Variants in STX4 observed in about 807,000 individuals in gnomAD.
STX4 encodes the protein syntaxin 4.
In STX4, 24 loss-of-function variants were observed where a neutral mutation model predicts 41.8. That is an observed-to-expected ratio of 0.57 (90% CI 0.42 to 0.81). STX4 has a LOEUF of 0.81. Among genes scored for constraint, STX4 ranks in the 30% least tolerant of loss-of-function variants. STX4 has a pLI of 0.00. For missense variants in STX4, 316 were observed against 389.9 expected, an observed-to-expected ratio of 0.81 and a Z score of 1.60; for synonymous variants, 158 against 156.4, an observed-to-expected ratio of 1.01 and a Z score of -0.08.
In STX4 at chr16:31,039,362, T is replaced by C; in HGVS notation, c.703-179T>C. 1.7e-6 allele frequency: 1 copy of C among 604,662 alleles called. No individual in the cohort carries two copies. Among genetic ancestry groups the C allele is most frequent in the South Asian group, 2.0e-5 (1 of 51,116 alleles). 37.5% of individuals were successfully genotyped at this position (604,662 alleles called of 1,614,324 possible). On this transcript the variant is annotated intron_variant, in intron 8 of 10. Coordinates refer to ENST00000313843, the MANE Select transcript of STX4 (RefSeq NM_004604.5). This position sits in a 1 kb window ranked among gnomAD's most constrained non-coding sequence, Gnocchi z 4.1. ...GATAAGTGAGCAGGGGACAAGGGAC[T>C]ACATGATAGAAGGGGCCTGGAAGCC... is the stretch of plus-strand genomic sequence containing the variant.
chr16:31,033,362 A>G (rs58726213), upstream of STX4: 344,619 of 867,172 alleles, frequency 0.4, 75,163 homozygotes, highest in South Asian at 0.68. The surrounding 1 kb of genome is among the most constrained non-coding windows in gnomAD (Gnocchi z 5.5). Flanking sequence ...CGTACAAATG[A>G]CGTATTCCTA....
At chr16:31,037,850 G>A (rs993002894) in intron 5 of STX4, 76 bp from the exon 6 acceptor site, 1 of 1,465,058 alleles carries the variant, frequency 6.8e-7, no homozygotes, top group African/African-American at 1.4e-5. Flanking sequence ...TTTGCTCACT[G>A]TACTATGGGG....
Position 31,037,928 on chromosome 16 carries a change from T to C in STX4, c.381T>C (p.His127=), listed in dbSNP as rs777815228. ...CAGCCTATATTCTTCATCTTTAGCA[T>C]GGGGTCCTGTCCCAGCAATTCGTGG... ...SVNTRMRKTQ[H]GVLSQQFVEL... Residue 127 remains histidine, a splice_region_variant and synonymous_variant, in exon 6 of 11, where the codon CAT becomes CAC. Coordinates refer to ENST00000313843, the MANE Select transcript of STX4 (RefSeq NM_004604.5). 3.7e-5 allele frequency: 60 copies of C among 1,613,898 alleles called. No homozygotes were observed. The highest frequency in any genetic ancestry group is 4.8e-5 in the Non-Finnish European group (57 of 1,179,964).
chr16:31,038,301 A>G (rs2056818658), intron 7 of STX4, 111 bp downstream of exon 7: 3 of 1,437,802 alleles, frequency 2.1e-6, no homozygotes, highest in Admixed American at 1.9e-5. Flanking sequence ...CCTCCCGAGT[A>G]GCTGGGACTA....
chr16:31,036,968 C>G (rs891546360), intron 5 of STX4, among the ~76,000 whole-genome samples: 6 of 151,592 alleles, frequency 4.0e-5, no homozygotes, highest in Non-Finnish European at 5.9e-5. Flanking sequence ...CCGTGGCTCA[C>G]GCCTGTAATC....
rs1396286724 is a variant in STX4 at position 31,038,118 on chromosome 16, T to C, written c.492T>C (p.Asn164=). The change falls in exon 7 of 11, where the codon AAT becomes AAC. Residue 164 remains asparagine (N), a synonymous_variant. Coordinates refer to ENST00000313843, the MANE Select transcript of STX4 (RefSeq NM_004604.5). The part of the protein sequence containing the change: ...ERIRRQLKIT[N]AGMVSDEELE... Reference sequence around the variant, plus strand: ...GCCTGGCCTTTTCCTTCACAGCCAATGCTGGGATGGTGTCTGATGAGGAGT... The same window carrying C: ...GCCTGGCCTTTTCCTTCACAGCCAACGCTGGGATGGTGTCTGATGAGGAGT... 1.9e-6 allele frequency: 3 copies of C among 1,614,038 alleles called. No homozygotes were observed. The South Asian group carries it at 3.3e-5, about 18-fold the overall frequency.
rs1488866019 is a variant in STX4, at chr16:31,039,613, G to A, written c.775G>A (p.Val259Ile). The A allele has an allele frequency of 9.9e-6, 16 of 1,614,048 alleles. No homozygotes were observed. Among genetic ancestry groups the A allele is most frequent in the African/African-American group, 4.0e-5 (3 of 74,912 alleles). Residue 259 changes from valine to isoleucine, a missense_variant, in exon 9 of 11, where the codon GTC (valine) becomes ATC (isoleucine). Physicochemically the swap from Val to Ile is conservative, Grantham distance 29. Coordinates refer to ENST00000313843, the MANE Select transcript of STX4 (RefSeq NM_004604.5). This position sits in a 1 kb window ranked among gnomAD's most constrained non-coding sequence, Gnocchi z 4.1. ...CTACGTGGAACGTGGGCAGGAGCAC[G>A]TCAAGACGGCCCTGGAGAACCAGAA... ...ADYVERGQEHVKTALENQKKA... is the reference protein window; with the variant it reads ...ADYVERGQEHIKTALENQKKA...
chr16:31,034,954 C>G lies in STX4; in HGVS notation c.308-16C>G. The G allele has an allele frequency of 6.3e-7, 1 of 1,585,556 alleles. No homozygotes were observed. ...ATGGAGACAAGTACCCCCAATACCCCTGTGTCTTCCCACAGCCATAGAGCC... is the reference window on the plus strand; with the variant it reads ...ATGGAGACAAGTACCCCCAATACCCGTGTGTCTTCCCACAGCCATAGAGCC... On this transcript the variant is annotated splice_polypyrimidine_tract_variant and intron_variant, in intron 4 of 10. Transcript: ENST00000313843.
At chr16:31,035,084 T>C (rs762883228) in intron 5 of STX4, 44 bp downstream of exon 5, 1 of 1,520,156 alleles carries the variant, frequency 6.6e-7, no homozygotes, top group African/African-American at 1.4e-5. Flanking sequence ...AGCAAATGTT[T>C]CATGAAGTAT....
chr16:31,038,427 G>T, intron 7 of STX4, 83 bp from the exon 8 acceptor site: 2 of 1,574,778 alleles, frequency 1.3e-6, no homozygotes, highest in Non-Finnish European at 1.7e-6. Context: ...CCAGGCTGAG[G>T]GCTCCCCAGA....
intron 5 of STX4, among the ~76,000 whole-genome samples, chr16:31,036,743 A>T (rs2056801817): frequency 6.6e-6 from 1 of 152,180 alleles, no homozygotes; most frequent in Admixed American, 6.5e-5. Flanking sequence ...CTTCATTCAG[A>T]AGGTAACATC....
chr16:31,035,808 G>A (rs184468990), intron 5 of STX4: 1 of 151,926 alleles, frequency 6.6e-6, no homozygotes, highest in Non-Finnish European at 1.5e-5. Flanking sequence ...TTGAGATGGA[G>A]TCTCACTCTG....
chr16:31,034,001 C>T lies in STX4; in HGVS notation c.31-12C>T, dbSNP rs768166718. 12 of 1,578,214 alleles carry T rather than the reference C, an allele frequency of 7.6e-6. No homozygotes were observed. The Admixed American group carries it at 9.0e-5, about 12-fold the overall frequency. The stretch of plus-strand genomic sequence containing the variant: ...AGCGAAACGGTGGTGCCAATGACTC[C>T]GGGCCTGGCAGGGGGATGACAGCTC... On this transcript the variant is annotated splice_polypyrimidine_tract_variant and intron_variant, in intron 1 of 10. Transcript: ENST00000313843.
Position 31,034,325 on chromosome 16 carries a change from A to G in STX4, c.232A>G (p.Ser78Gly), listed in dbSNP as rs1339376505. Residue 78 changes from serine (S) to glycine (G), a missense_variant and splice_region_variant, in exon 3 of 11, where the codon AGC (serine) becomes GGC (glycine). Coordinates refer to ENST00000313843, the MANE Select transcript of STX4 (RefSeq NM_004604.5). ...TILATPLPEE[S>G]MKQELQNLRD... ...CCTGGCCACGCCCCTTCCCGAGGAGAGTGAGTGAAACCCCGGCTGCAGGGC... is the reference window on the plus strand; with the variant it reads ...CCTGGCCACGCCCCTTCCCGAGGAGGGTGAGTGAAACCCCGGCTGCAGGGC... The G allele has an allele frequency of 6.2e-7, 1 of 1,613,814 alleles. No homozygotes were observed. The highest frequency in any genetic ancestry group is 2.2e-5 in the East Asian group (1 of 44,892).
chr16:31,034,629 T>A, intron 4 of STX4, 93 bp downstream of exon 4: 1 of 1,373,388 alleles, frequency 7.3e-7, no homozygotes, highest in South Asian at 1.5e-5. Context: ...AAGCCAGTGA[T>A]ATATCCAGGT....
chr16:31,039,903 T>C lies in STX4; in HGVS notation c.*16-9T>C, dbSNP rs1260047134. 5 of 1,384,562 alleles carry C rather than the reference T, an allele frequency of 3.6e-6. No individual in the cohort carries two copies. The highest frequency in any genetic ancestry group is 5.1e-6 in the Non-Finnish European group (5 of 982,868). 85.8% of individuals were successfully genotyped at this position (1,384,562 alleles called of 1,614,324 possible). Reference sequence around the variant, plus strand: ...CCCTCAGACCCTGTTCTCCCTCCTTTCCTTACAGGCACTAGGAGCACCAGG... The same window carrying C: ...CCCTCAGACCCTGTTCTCCCTCCTTCCCTTACAGGCACTAGGAGCACCAGG... On this transcript the variant is annotated splice_polypyrimidine_tract_variant and intron_variant, in intron 10 of 10. Transcript: ENST00000313843. The surrounding 1 kb of genome is among the most constrained non-coding windows in gnomAD (Gnocchi z 4.1).
chr16:31,033,498 T>G (rs1427654103), upstream of STX4: 1 of 1,550,532 alleles, frequency 6.4e-7, no homozygotes, highest in East Asian at 2.4e-5. The surrounding 1 kb of genome is among the most constrained non-coding windows in gnomAD (Gnocchi z 5.5). Context: ...CTTCCCAGCC[T>G]CGGGCAAGGA....
At position 31,037,980 on chromosome 16, in the gene STX4, C is replaced by A. The variant is rs774836605; in HGVS notation, c.433C>A (p.Gln145Lys). The part of the protein sequence containing the change: ...VELINKCNSM[Q>K]SEYREKNVER... ...GCTCATCAACAAGTGCAATTCAATG[C>A]AGTCCGAATACCGGGAGAAGAACGT... Residue 145 changes from glutamine (Q) to lysine (K), a missense_variant, in exon 6 of 11, where the codon CAG becomes AAG. Physicochemically the swap from Gln to Lys is moderately conservative, Grantham distance 53 (BLOSUM62 1). Transcript: ENST00000313843. 9.9e-6 allele frequency: 16 copies of A among 1,614,046 alleles called. No individual in the cohort carries two copies. Among genetic ancestry groups the A allele is most frequent in the Non-Finnish European group, 1.4e-5 (16 of 1,180,026 alleles).
At chr16:31,033,474 A>G (rs887292582), upstream of STX4, 15 of 1,550,130 alleles carry the variant, frequency 9.7e-6, no homozygotes, top group African/African-American at 1.4e-5. The surrounding 1 kb of genome is among the most constrained non-coding windows in gnomAD (Gnocchi z 5.5). Flanking sequence ...GGGCGCAACA[A>G]CTTCCGACTC....
Sources: allele counts gnomAD v4.1 joint callset (sites outside exome capture counted in the v4.1 genomes callset), GRCh38; gene constraint gnomAD v4.1.1; non-coding constraint Gnocchi (gnomAD v3.1); transcripts MANE v1.5; gene names NCBI Gene and HGNC (gene_info 2026-07-23, HGNC 2026-07-21).